The following RYR2 variants were observed in gnomAD, a reference collection of about 807,000 sequenced individuals.
The protein encoded by RYR2 is cardiac muscle ryanodine receptor-calcium release channel.
In RYR2, 227 loss-of-function variants were observed where a neutral mutation model predicts 601.1. That is an observed-to-expected ratio of 0.38 (90% CI 0.34 to 0.42). The LOEUF (loss-of-function observed/expected upper bound fraction) is 0.42, where lower values mean the gene tolerates loss of function less well. Among genes scored for constraint, RYR2 ranks in the 10% least tolerant of loss-of-function variants. The pLI, the probability that RYR2 is intolerant of heterozygous loss-of-function variation, is 1.00. For synonymous variants in RYR2, 2,223 were observed against 2,175.1 expected (o/e 1.02, Z -0.61); for missense variants, 4,646 against 6,156.5 (o/e 0.75, Z 8.21).
chr1:237,291,931 C>A (rs1467581147), intron 2 of RYR2, among the ~76,000 whole-genome samples: 1 of 152,122 alleles, frequency 6.6e-6, no homozygotes, highest in Non-Finnish European at 1.5e-5. Flanking sequence ...GATAGTGATA[C>A]CTGAATGTAG....
chr1:237,433,574 T>G lies in RYR2; in HGVS notation c.1006-7745T>G, dbSNP rs370946021. On this transcript the variant is annotated intron_variant, in intron 12 of 104. Transcript: ENST00000366574. ...AAATAGAATAGCTCAACAGATTCAC[T>G]TAATCCCTTTGTTAGTCATCACATT... Among the ~76,000 whole-genome samples the G allele has an allele frequency of 3.3e-5, 5 of 152,302 alleles. No individual in the cohort carries two copies. The South Asian group carries it at 1.0e-3, about 32-fold the overall frequency.
chr1:237,169,087 T>G (rs1677040873), intron 1 of RYR2, among the ~76,000 whole-genome samples: 1 of 152,224 alleles, frequency 6.6e-6, no homozygotes, highest in Admixed American at 6.5e-5. Flanking sequence ...GTTATTTCAC[T>G]TTTTAAAAAT....
chr1:237,380,377 TA>T (rs1558717825), intron 8 of RYR2, among the ~76,000 whole-genome samples: 892 of 29,730 alleles, frequency 0.03, 153 homozygotes, highest in African/African-American at 0.14. Flanking sequence ...TATATATATA[TA>T]TATATATATA....
chr1:237,420,853 C>T (rs1417595509), intron 11 of RYR2, among the ~76,000 whole-genome samples: 1 of 152,186 alleles, frequency 6.6e-6, no homozygotes, highest in Non-Finnish European at 1.5e-5. Flanking sequence ...TCATTATTTA[C>T]AAATATTTCA....
intron 29 of RYR2, among the ~76,000 whole-genome samples, chr1:237,585,150 T>C (rs1042381650): frequency 2.0e-5 from 3 of 152,226 alleles, no homozygotes; most frequent in Non-Finnish European, 2.9e-5. Flanking sequence ...AGAGGCCATA[T>C]GATCCATGAA....
At chr1:237,554,173 G>T (rs944531806) in intron 27 of RYR2, among the ~76,000 whole-genome samples, 15 of 151,220 alleles carry the variant, frequency 9.9e-5, no homozygotes, top group Non-Finnish European at 2.1e-4. Flanking sequence ...ATTCCCTTCT[G>T]TTCTTAGTTT....
Position 237,566,567 on chromosome 1 carries a change from C to G in RYR2, c.3215C>G (p.Ala1072Gly), listed in dbSNP as rs1321772491. Reference sequence around the variant, plus strand: ...CCAGAAATCTCTGTCCATTTCCCAGCAGCCAGAGCCGAAGTGTGCAGCGGC... The same window carrying G: ...CCAGAAATCTCTGTCCATTTCCCAGGAGCCAGAGCCGAAGTGTGCAGCGGC... ...YNLEAPDQDH[A>G]ARAEVCSGTG... The change falls in exon 28 of 105, where the codon GCA becomes GGA. Residue 1072 changes from alanine to glycine, a missense_variant and splice_region_variant. This residue lies in a region of RYR2 where 1,807 missense variants were observed against 2,088.1 expected (regional missense o/e 0.87). Transcript: ENST00000366574. 2 of 1,612,206 alleles carry G rather than the reference C, an allele frequency of 1.2e-6. No homozygotes were observed. Among genetic ancestry groups the G allele is most frequent in the East Asian group, 4.5e-5 (2 of 44,812 alleles).
intron 3 of RYR2, chr1:237,341,576 G>C: frequency 4.0e-6 from 2 of 495,126 alleles, no homozygotes; most frequent in African/African-American, 1.9e-5. Flanking sequence ...CAGGAATGCA[G>C]GTCTTTGGGT....
chr1:237,715,912 C>A (rs570927592), intron 71 of RYR2, among the ~76,000 whole-genome samples: 4 of 152,126 alleles, frequency 2.6e-5, no homozygotes, highest in South Asian at 2.1e-4. Flanking sequence ...TTAAATGATC[C>A]ATTTTTTAAT....
At chr1:237,300,536 C>T (rs1693246382) in intron 2 of RYR2, among the ~76,000 whole-genome samples, 1 of 152,184 alleles carries the variant, frequency 6.6e-6, no homozygotes, top group African/African-American at 2.4e-5. Flanking sequence ...CATTCAAATA[C>T]TGAGTAAAGC....
chr1:237,679,647 A>T (rs1165349578), intron 61 of RYR2, among the ~76,000 whole-genome samples: 1 of 152,194 alleles, frequency 6.6e-6, no homozygotes, highest in Non-Finnish European at 1.5e-5. Flanking sequence ...TGTGTAACTC[A>T]TAGGCTCCTG....
At chr1:237,500,243 G>C (rs572688374) in intron 20 of RYR2, among the ~76,000 whole-genome samples, 52 of 152,326 alleles carry the variant, frequency 3.4e-4, no homozygotes, top group Admixed American at 2.2e-3. Flanking sequence ...CTGAGACTCT[G>C]TTACTTGTAA....
chr1:237,738,875 A>T (rs1691369218), intron 79 of RYR2, among the ~76,000 whole-genome samples: 1 of 152,216 alleles, frequency 6.6e-6, no homozygotes, highest in African/African-American at 2.4e-5. Context: ...AAATAAAGGA[A>T]CAAATGTCAT....
At chr1:237,241,527 T>C (rs1686158801) in intron 1 of RYR2, among the ~76,000 whole-genome samples, 2 of 152,178 alleles carry the variant, frequency 1.3e-5, no homozygotes. Context: ...CCAAGTGGGT[T>C]CTTGGCTTCA....
intron 2 of RYR2, among the ~76,000 whole-genome samples, chr1:237,276,981 T>C (rs924451054): frequency 2.6e-5 from 4 of 152,164 alleles, no homozygotes; most frequent in African/African-American, 9.7e-5. Context: ...GCAAAGGTAA[T>C]TTATAGATCG....
chr1:237,500,641 CTT>C, intron 20 of RYR2, 68 bp from the exon 21 acceptor site: 1 of 1,359,120 alleles, frequency 7.4e-7, no homozygotes, highest in Non-Finnish European at 1.0e-6. Context: ...AATCTTTTGA[CTT>C]TGGCTCTGAA....
At chr1:237,777,185 A>AAAG (rs1206530973) in intron 87 of RYR2, among the ~76,000 whole-genome samples, 1 of 152,142 alleles carries the variant, frequency 6.6e-6, no homozygotes, top group Non-Finnish European at 1.5e-5. Context: ...AACCCCCTCC[A>AAAG]AAGTTTCCCC....
chr1:237,604,104 A>G (rs1304399353), intron 35 of RYR2, among the ~76,000 whole-genome samples: 1 of 152,202 alleles, frequency 6.6e-6, no homozygotes, highest in African/African-American at 2.4e-5. Flanking sequence ...TCCACCCCAA[A>G]TCAACAGAAT....
At chr1:237,158,530 C>A (rs1306372518) in intron 1 of RYR2, among the ~76,000 whole-genome samples, 1 of 152,148 alleles carries the variant, frequency 6.6e-6, no homozygotes, top group African/African-American at 2.4e-5. Flanking sequence ...ACAAATCAGA[C>A]AATTTTCCCT....
Sources: gnomAD v4.1 joint callset for allele counts (sites outside exome capture counted in the v4.1 genomes callset) on GRCh38, gnomAD v4.1.1 for gene constraint, gnomAD v4.1.1 regional missense constraint, MANE v1.5 for transcripts, NCBI Gene and HGNC (gene_info 2026-07-23, HGNC 2026-07-21) for gene names.